Variants in CPEB1 observed in about 807,000 individuals in gnomAD.
CPEB1 encodes cytoplasmic polyadenylation element binding protein 1, also known as cytoplasmic polyadenylation element-binding protein 1.
CPEB1 carries 7 observed loss-of-function variants against 65.8 expected under a neutral mutation model. The ratio of observed to expected loss-of-function variants is 0.11; its 90% CI spans 0.06 to 0.20. The LOEUF (loss-of-function observed/expected upper bound fraction) is 0.20. Ranked by LOEUF, CPEB1 falls within the 10% of genes least tolerant of loss-of-function variation. CPEB1 has a pLI of 1.00. For missense variants in CPEB1, 551 were observed against 712.2 expected (o/e 0.77, Z 2.58); for synonymous variants, 262 against 260.0 (o/e 1.01, Z -0.08).
chr15:82,567,066 G>C (rs1174301826), intron 4 of CPEB1, among the ~76,000 whole-genome samples: 7 of 152,126 alleles, frequency 4.6e-5, no homozygotes, highest in Non-Finnish European at 1.0e-4. Context: ...CATTAGCCAA[G>C]CACTGTTGTA....
At chr15:82,604,509 C>G (rs889857443) in intron 3 of CPEB1, among the ~76,000 whole-genome samples, 1 of 146,270 alleles carries the variant, frequency 6.8e-6, no homozygotes, top group African/African-American at 2.5e-5. Context: ...AAGACAGAAA[C>G]AAGAAACCAT....
chr15:82,575,900 T>A (rs903537232), intron 3 of CPEB1, among the ~76,000 whole-genome samples: 2 of 152,188 alleles, frequency 1.3e-5, no homozygotes, highest in African/African-American at 4.8e-5. Flanking sequence ...AAAAGGTACA[T>A]CCACTTTGAA....
chr15:82,626,083 G>A (rs530692225), intron 3 of CPEB1, among the ~76,000 whole-genome samples: 3 of 151,938 alleles, frequency 2.0e-5, no homozygotes, highest in African/African-American at 7.2e-5. Flanking sequence ...TCGCACCACT[G>A]CATTCCAACC....
chr15:82,553,450 A>G lies in CPEB1; in HGVS notation c.1144+17T>C. On this transcript the variant is annotated intron_variant, in intron 8 of 12. Transcript: ENST00000684509. ...AAAAAGCTCCTACCATGTCTTTATT[A>G]CCTTTAGGCATATTACCTTTGGGAG... 1 of 1,602,208 alleles carries G rather than the reference A, an allele frequency of 6.2e-7. No homozygotes were observed. The highest frequency in any genetic ancestry group is 8.6e-7 in the Non-Finnish European group (1 of 1,169,582).
chr15:82,621,143 C>T (rs1315633340), intron 3 of CPEB1, among the ~76,000 whole-genome samples: 1 of 152,190 alleles, frequency 6.6e-6, no homozygotes, highest in Non-Finnish European at 1.5e-5. Flanking sequence ...GCTTTTCAGA[C>T]AATTTAGTGA....
intron 3 of CPEB1, among the ~76,000 whole-genome samples, chr15:82,614,879 GTATATA>G (rs201830435): frequency 3.5e-5 from 4 of 113,196 alleles, no homozygotes; most frequent in Admixed American, 9.1e-5. Context: ...GTGTGTGTGT[GTATATA>G]TATATATGAC....
At chr15:82,545,313 T>G (rs1284320554) in intron 12 of CPEB1, among the ~76,000 whole-genome samples, 1 of 152,210 alleles carries the variant, frequency 6.6e-6, no homozygotes, top group East Asian at 1.9e-4. Flanking sequence ...CAATTCAAAC[T>G]TAACTTCAAA....
intron 9 of CPEB1, among the ~76,000 whole-genome samples, chr15:82,551,786 C>A (rs2150949366): frequency 6.6e-6 from 1 of 152,282 alleles, no homozygotes; most frequent in Admixed American, 6.5e-5. Context: ...CCACTAGAAC[C>A]ACCTGGGGAT....
intron 3 of CPEB1, among the ~76,000 whole-genome samples, chr15:82,603,543 G>A (rs1316155073): frequency 8.8e-5 from 8 of 90,828 alleles, no homozygotes; most frequent in Non-Finnish European, 1.4e-4. Context: ...TTGAAAGAAA[G>A]CATTAGAAGG....
intron 3 of CPEB1, chr15:82,571,892 G>A: frequency 1.9e-6 from 2 of 1,033,092 alleles, no homozygotes; most frequent in Non-Finnish European, 2.3e-6. Context: ...ACGACAGGGA[G>A]GAGACTTGCC....
intron 3 of CPEB1, among the ~76,000 whole-genome samples, chr15:82,623,683 A>T (rs553895322): frequency 6.6e-5 from 10 of 152,316 alleles, no homozygotes; most frequent in Admixed American, 1.3e-4. Context: ...CTCAGGAAAA[A>T]AAAATTACCC....
intron 1 of CPEB1, among the ~76,000 whole-genome samples, chr15:82,644,998 T>C (rs983113805): frequency 6.6e-6 from 1 of 152,212 alleles, no homozygotes; most frequent in African/African-American, 2.4e-5. Flanking sequence ...GCCTATGGCC[T>C]AACCCAAACT....
intron 1 of CPEB1, among the ~76,000 whole-genome samples, chr15:82,639,849 A>ACT (rs112948983): frequency 0.12 from 16,802 of 145,894 alleles, 1,597 homozygotes; most frequent in African/African-American, 0.27. Flanking sequence ...ACGCGCAAAC[A>ACT]CTCTCTCTCT....
At chr15:82,557,434 G>A (rs1189160643) in intron 5 of CPEB1, 2 of 303,868 alleles carry the variant, frequency 6.6e-6, no homozygotes, top group Non-Finnish European at 1.2e-5. Context: ...AGCACCCCGT[G>A]TAGGTAAAGA....
intron 4 of CPEB1, among the ~76,000 whole-genome samples, chr15:82,563,289 T>C (rs1177089732): frequency 6.6e-6 from 1 of 151,848 alleles, no homozygotes; most frequent in East Asian, 1.9e-4. Flanking sequence ...AAAGTAGTGT[T>C]ATCAACTTTA....
intron 1 of CPEB1, chr15:82,637,862 T>C (rs2046788579): frequency 5.7e-6 from 2 of 352,072 alleles, no homozygotes; most frequent in Non-Finnish European, 1.1e-5. Context: ...AAGAGCTTTT[T>C]GTGTAAGTAG....
intron 9 of CPEB1, among the ~76,000 whole-genome samples, chr15:82,550,668 G>A (rs2036080146): frequency 6.6e-6 from 1 of 152,150 alleles, no homozygotes; most frequent in Non-Finnish European, 1.5e-5. Flanking sequence ...TCCCGAAGAA[G>A]GATCCCACAG....
chr15:82,575,920 G>A (rs559085247), intron 3 of CPEB1, among the ~76,000 whole-genome samples: 28 of 152,246 alleles, frequency 1.8e-4, no homozygotes, highest in African/African-American at 6.7e-4. Flanking sequence ...AAAATGGTCT[G>A]CCCATTTCTT....
At chr15:82,629,743 TA>T in intron 1 of CPEB1, 1 of 985,424 alleles carries the variant, frequency 1.0e-6, no homozygotes, top group Non-Finnish European at 1.2e-6. Flanking sequence ...TAATATCTCA[TA>T]AGCTGGTCAC....
Sources: gnomAD v4.1 joint callset for allele counts (sites outside exome capture counted in the v4.1 genomes callset) on GRCh38, gnomAD v4.1.1 for gene constraint, MANE v1.5 for transcripts, NCBI Gene and HGNC (gene_info 2026-07-23, HGNC 2026-07-21) for gene names.